Variants in TRANK1 observed in about 807,000 individuals in gnomAD.
The protein encoded by TRANK1 is tetratricopeptide repeat and ankyrin repeat containing 1.
Under a neutral mutation model 266.0 loss-of-function variants are expected in TRANK1, and 198 were observed. That is an observed-to-expected ratio of 0.74 (90% CI 0.66 to 0.84). The LOEUF (loss-of-function observed/expected upper bound fraction) is 0.84. Ranked by LOEUF, TRANK1 falls within the 40% of genes least tolerant of loss-of-function variation. TRANK1 has a pLI of 0.00. For missense variants in TRANK1, 3,326 were observed against 3,634.6 expected (o/e 0.92, Z 2.18); for synonymous variants, 1,396 against 1,384.1 (o/e 1.01, Z -0.19).
chr3:36,937,062 A>C (rs967495222), intron 1 of TRANK1, among the ~76,000 whole-genome samples: 1 of 152,190 alleles, frequency 6.6e-6, no homozygotes, highest in Non-Finnish European at 1.5e-5. Flanking sequence ...ATGCCACTGC[A>C]CTCCAGCCTG....
intron 20 of TRANK1, among the ~76,000 whole-genome samples, chr3:36,836,433 G>A (rs1386665959): frequency 6.6e-6 from 1 of 152,048 alleles, no homozygotes; most frequent in East Asian, 1.9e-4. Flanking sequence ...ATATAGCAAG[G>A]GACGGAAAAG....
At chr3:36,847,449 G>A (rs571506903) in intron 15 of TRANK1, 103 bp from the exon 16 acceptor site, 6 of 1,243,946 alleles carry the variant, frequency 4.8e-6, no homozygotes, top group African/African-American at 1.5e-5. Flanking sequence ...GGGGGACCAG[G>A]CCTTCAACCC....
At chr3:36,934,588 G>T (rs1039698385) in intron 1 of TRANK1, among the ~76,000 whole-genome samples, 1 of 152,060 alleles carries the variant, frequency 6.6e-6, no homozygotes, top group East Asian at 1.9e-4. Flanking sequence ...CCCGCCCTGG[G>T]TATCTCTGGT....
chr3:36,920,284 A>G (rs2080196832), intron 1 of TRANK1, among the ~76,000 whole-genome samples: 1 of 152,146 alleles, frequency 6.6e-6, no homozygotes, highest in South Asian at 2.1e-4. Flanking sequence ...CACTCTACCC[A>G]TTTGGCTACA....
chr3:36,831,380 T>C lies in TRANK1; in HGVS notation c.8203A>G (p.Ser2735Gly), dbSNP rs1269881331. 3 of 1,613,194 alleles carry C rather than the reference T, an allele frequency of 1.9e-6. No individual in the cohort carries two copies. Among genetic ancestry groups the C allele is most frequent in the Non-Finnish European group, 2.5e-6 (3 of 1,179,614 alleles). Reference protein sequence around the residue: ...RACLVVSLCISWRRRVGTQME... With the variant: ...RACLVVSLCIGWRRRVGTQME... ...TGGGTGCCCACTCTTCTCCTCCAAC[T>C]GATGCACAGAGACACCACCAGGCAT... The change falls in exon 22 of 24, where the codon AGT becomes GGT. Residue 2735 changes from serine (S) to glycine (G), a missense_variant. Coordinates refer to ENST00000645898, the MANE Select transcript of TRANK1 (RefSeq NM_001329998.2). The surrounding 1 kb of genome is among the most constrained non-coding windows in gnomAD (Gnocchi z 5.0).
At chr3:36,923,884 T>C (rs777492881) in intron 1 of TRANK1, among the ~76,000 whole-genome samples, 1 of 152,206 alleles carries the variant, frequency 6.6e-6, no homozygotes, top group Non-Finnish European at 1.5e-5. Context: ...ACCATCCTGG[T>C]GCTCTCCAGT....
intron 2 of TRANK1, 56 bp from the exon 3 acceptor site, chr3:36,903,331 T>C: frequency 6.6e-7 from 1 of 1,510,432 alleles, no homozygotes; most frequent in African/African-American, 1.4e-5. Context: ...AAACAGTCTG[T>C]GAAGTCCCCC....
intron 5 of TRANK1, among the ~76,000 whole-genome samples, chr3:36,893,777 T>A (rs1286970560): frequency 2.0e-5 from 3 of 152,134 alleles, no homozygotes; most frequent in African/African-American, 7.2e-5. Flanking sequence ...GGAGACCCAG[T>A]CTCAGCTCCA....
intron 1 of TRANK1, among the ~76,000 whole-genome samples, chr3:36,931,530 C>T (rs997782003): frequency 7.3e-5 from 11 of 151,548 alleles, no homozygotes; most frequent in Admixed American, 5.9e-4. Context: ...CACAGTGAGA[C>T]CTCATCTCTA....
Position 36,855,345 on chromosome 3 carries a change from A to G in TRANK1, c.4377T>C (p.Ser1459=). ...LLMKCINDPN[S]MFLTGDTAQS... is the part of the protein sequence containing the mutation. Reference sequence around the variant, plus strand: ...GGGCCGTGTCCCCCGTGAGGAACATAGAGTTGGGGTCATTGATGCATTTCA... The same window carrying G: ...GGGCCGTGTCCCCCGTGAGGAACATGGAGTTGGGGTCATTGATGCATTTCA... Residue 1459 remains serine (S), a synonymous_variant, in exon 13 of 24, where the codon TCT becomes TCC. Coordinates refer to ENST00000645898, the MANE Select transcript of TRANK1 (RefSeq NM_001329998.2). 6.2e-7 allele frequency: 1 copy of G among 1,614,026 alleles called. No homozygotes were observed. The highest frequency in any genetic ancestry group is 2.2e-5 in the East Asian group (1 of 44,886).
Position 36,832,727 on chromosome 3 carries a change from G to A in TRANK1, c.6856C>T (p.Pro2286Ser). The change falls in exon 22 of 24, where the codon CCC becomes TCC. Residue 2286 changes from proline (P) to serine (S), a missense_variant. Physicochemically the swap from Pro to Ser is moderately conservative, Grantham distance 74. Transcript: ENST00000645898. ...HFHQRVLSEN[P>S]MACKEILKPN... is the part of the protein sequence containing the mutation. ...TTGAGGATTTCTTTGCATGCCATGG[G>A]GTTTTCTGACAACACTCTCTGATGG... 3.7e-6 allele frequency: 6 copies of A among 1,613,984 alleles called. No homozygotes were observed. The highest frequency in any genetic ancestry group is 5.1e-6 in the Non-Finnish European group (6 of 1,179,894).
intron 9 of TRANK1, among the ~76,000 whole-genome samples, chr3:36,870,619 T>G (rs2079293607): frequency 6.6e-6 from 1 of 152,144 alleles, no homozygotes; most frequent in African/African-American, 2.4e-5. Flanking sequence ...CTGGAAAACT[T>G]TACAGAAATC....
intron 10 of TRANK1, among the ~76,000 whole-genome samples, chr3:36,862,300 A>T (rs2079153325): frequency 6.6e-6 from 1 of 152,164 alleles, no homozygotes; most frequent in Non-Finnish European, 1.5e-5. Context: ...GAGCAACTTG[A>T]TTTGCATTTG....
At chr3:36,860,246 G>A (rs2125551152) in intron 11 of TRANK1, among the ~76,000 whole-genome samples, 1 of 152,280 alleles carries the variant, frequency 6.6e-6, no homozygotes, top group Non-Finnish European at 1.5e-5. Flanking sequence ...TACCAATGAG[G>A]AAATGAAGTC....
intron 15 of TRANK1, chr3:36,851,038 C>T (rs371550005): frequency 7.6e-5 from 75 of 985,522 alleles, no homozygotes; most frequent in South Asian, 2.8e-4. Context: ...CCCAGGACAA[C>T]GGCTGTGAGT....
chr3:36,858,965 C>CTTCAGATA, intron 11 of TRANK1, 71 bp from the exon 12 acceptor site: 1 of 1,418,176 alleles, frequency 7.1e-7, no homozygotes, highest in Non-Finnish European at 9.3e-7. Context: ...AGAAGGAATG[C>CTTCAGATA]TTCAGTTATT....
intron 1 of TRANK1, among the ~76,000 whole-genome samples, chr3:36,930,002 G>A (rs754029275): frequency 5.9e-5 from 9 of 152,140 alleles, no homozygotes; most frequent in Non-Finnish European, 1.0e-4. Flanking sequence ...AGCCTCCCAA[G>A]TAGCTGGGAT....
In TRANK1 at chr3:36,827,995, A is replaced by G. The variant is rs1018665149; in HGVS notation, c.*280T>C. ...ACACCCCAGGGACCATGCAGTGAGG[A>G]GTCCCAACATTCCCTTCGACTACAA... is the stretch of plus-strand genomic sequence containing the variant. On this transcript the variant is annotated 3_prime_UTR_variant, in exon 24 of 24. Coordinates refer to ENST00000645898, the MANE Select transcript of TRANK1 (RefSeq NM_001329998.2). The G allele has an allele frequency of 5.3e-6, 2 of 374,594 alleles. No homozygotes were observed. Among genetic ancestry groups the G allele is most frequent in the Non-Finnish European group, 1.0e-5 (2 of 199,616 alleles). The allele number at this position is 374,594 out of a possible 1,614,324, so 23.2% of individuals were successfully genotyped here. A position where few individuals can be genotyped will look rare whatever the true frequency, so the allele number is the denominator to read the frequency against.
chr3:36,909,037 C>T (rs1239149493), intron 1 of TRANK1, among the ~76,000 whole-genome samples: 1 of 152,192 alleles, frequency 6.6e-6, no homozygotes, highest in African/African-American at 2.4e-5. Context: ...GTGAAGGCCT[C>T]AGTATGCAAG....
Sources: allele counts gnomAD v4.1 joint callset (sites outside exome capture counted in the v4.1 genomes callset), GRCh38; gene constraint gnomAD v4.1.1; non-coding constraint Gnocchi (gnomAD v3.1); transcripts MANE v1.5; gene names NCBI Gene and HGNC (gene_info 2026-07-23, HGNC 2026-07-21).